Variants in RIT2 observed in about 807,000 individuals in gnomAD.
The protein encoded by RIT2 is GTP-binding protein Rit2.
In RIT2, 24 loss-of-function variants were observed where a neutral mutation model predicts 23.7. The observed-to-expected ratio is 1.01, with a 90% CI of 0.73 to 1.43. The LOEUF is 1.43. RIT2 is among the 40% of genes most tolerant of loss of function. The pLI is 0.00. For missense variants in RIT2, 236 were observed against 266.9 expected, an observed-to-expected ratio of 0.88 and a Z score of 0.81; for synonymous variants, 107 against 91.1, an observed-to-expected ratio of 1.17 and a Z score of -0.99.
At chr18:42,884,541 A>G (rs1370358188) in intron 4 of RIT2, among the ~76,000 whole-genome samples, 1 of 152,182 alleles carries the variant, frequency 6.6e-6, no homozygotes, top group Non-Finnish European at 1.5e-5. Context: ...ATGCCAGATA[A>G]TTCAATCACC....
intron 3 of RIT2, among the ~76,000 whole-genome samples, chr18:42,962,075 G>A (rs1383481093): frequency 6.6e-6 from 1 of 152,084 alleles, no homozygotes; most frequent in Admixed American, 6.5e-5. Context: ...AAATGTTTAG[G>A]GGTGAAAGCA....
intron 1 of RIT2, among the ~76,000 whole-genome samples, chr18:43,066,248 C>T (rs530059433): frequency 1.1e-3 from 170 of 152,188 alleles, no homozygotes; most frequent in Middle Eastern, 0.01. Context: ...TTACAAAGTG[C>T]CCATCCAGAA....
chr18:43,006,491 C>A (rs934296066), intron 2 of RIT2, among the ~76,000 whole-genome samples: 1 of 151,308 alleles, frequency 6.6e-6, no homozygotes, highest in East Asian at 2.0e-4. Context: ...TATTAAATAA[C>A]ATAAATCAGA....
intron 1 of RIT2, among the ~76,000 whole-genome samples, chr18:43,083,267 A>G (rs188057266): frequency 7.2e-5 from 11 of 152,286 alleles, no homozygotes; most frequent in Admixed American, 4.6e-4. Flanking sequence ...ATGCTCATGG[A>G]TAGGAAGAAT....
At chr18:42,912,191 A>G (rs1396877907) in intron 4 of RIT2, among the ~76,000 whole-genome samples, 1 of 151,758 alleles carries the variant, frequency 6.6e-6, no homozygotes, top group Non-Finnish European at 1.5e-5. Flanking sequence ...AACTTATTAT[A>G]TCATTTACTA....
intron 4 of RIT2, among the ~76,000 whole-genome samples, chr18:42,886,828 C>T (rs1248607112): frequency 6.6e-6 from 1 of 152,098 alleles, no homozygotes; most frequent in Non-Finnish European, 1.5e-5. Flanking sequence ...TGCCTAGCTG[C>T]CTCCTAAATT....
intron 4 of RIT2, among the ~76,000 whole-genome samples, chr18:42,879,560 G>T (rs180864540): frequency 3.3e-5 from 5 of 151,956 alleles, no homozygotes; most frequent in East Asian, 3.9e-4. Flanking sequence ...TTCTCTTTCT[G>T]CAAGTTGATA....
intron 4 of RIT2, among the ~76,000 whole-genome samples, chr18:42,769,588 C>T (rs1000716664): frequency 3.3e-5 from 5 of 151,870 alleles, no homozygotes; most frequent in African/African-American, 1.2e-4. Context: ...TTAAAATAGA[C>T]TGAAAGCAAA....
At chr18:42,945,502 G>A (rs1909707656) in intron 3 of RIT2, among the ~76,000 whole-genome samples, 1 of 152,184 alleles carries the variant, frequency 6.6e-6, no homozygotes, top group Non-Finnish European at 1.5e-5. Flanking sequence ...ATGCGTCCAA[G>A]AATGTGTGCG....
chr18:43,002,389 T>C (rs1911126194), intron 2 of RIT2, among the ~76,000 whole-genome samples: 1 of 151,918 alleles, frequency 6.6e-6, no homozygotes, highest in Admixed American at 6.6e-5. Flanking sequence ...GTTAATCTCC[T>C]TTGGCAACAC....
At chr18:42,794,106 T>C (rs1045111813) in intron 4 of RIT2, among the ~76,000 whole-genome samples, 1 of 152,216 alleles carries the variant, frequency 6.6e-6, no homozygotes, top group African/African-American at 2.4e-5. Context: ...GCATACATTC[T>C]ATTTTCCTCC....
At chr18:42,924,577 T>C (rs1909135659) in intron 3 of RIT2, among the ~76,000 whole-genome samples, 1 of 152,110 alleles carries the variant, frequency 6.6e-6, no homozygotes, top group South Asian at 2.1e-4. Flanking sequence ...TGACAATGGC[T>C]AATTAGATAG....
intron 2 of RIT2, among the ~76,000 whole-genome samples, chr18:43,025,237 C>CAA (rs58609867): frequency 2.9e-5 from 4 of 136,620 alleles, no homozygotes; most frequent in Admixed American, 7.4e-5. Context: ...AAAAAAAAAA[C>CAA]AAAAAAAAAA....
intron 4 of RIT2, among the ~76,000 whole-genome samples, chr18:42,888,481 A>G (rs1908085368): frequency 6.6e-6 from 1 of 152,014 alleles, no homozygotes; most frequent in Non-Finnish European, 1.5e-5. Context: ...GCAACACTGT[A>G]TAAGCATTCC....
intron 2 of RIT2, among the ~76,000 whole-genome samples, chr18:43,027,522 T>A (rs1453664420): frequency 6.6e-6 from 1 of 152,024 alleles, no homozygotes; most frequent in African/African-American, 2.4e-5. Context: ...AGGCTAAGTA[T>A]GGACTCAGAG....
intron 1 of RIT2, among the ~76,000 whole-genome samples, chr18:43,077,128 C>T (rs966913427): frequency 5.3e-5 from 7 of 132,090 alleles, no homozygotes; most frequent in Non-Finnish European, 8.0e-5. Context: ...AAAAAAGGCT[C>T]AAACACAAGC....
chr18:42,773,111 C>T (rs1330620385), intron 4 of RIT2, among the ~76,000 whole-genome samples: 1 of 151,838 alleles, frequency 6.6e-6, no homozygotes, highest in African/African-American at 2.4e-5. Flanking sequence ...TAACCCCCTT[C>T]TGTGCAAGGC....
chr18:42,803,406 GA>G (rs2143965115), intron 4 of RIT2, among the ~76,000 whole-genome samples: 1 of 152,256 alleles, frequency 6.6e-6, no homozygotes, highest in African/African-American at 2.4e-5. Flanking sequence ...GGTTTGATTT[GA>G]TATTGTTTGT....
intron 4 of RIT2, among the ~76,000 whole-genome samples, chr18:42,852,610 G>T (rs16977059): frequency 6.6e-6 from 1 of 152,222 alleles, no homozygotes; most frequent in African/African-American, 2.4e-5. Context: ...ATTTCCAGAT[G>T]TTCTCCTTTG....
Sources: gnomAD v4.1 joint callset for allele counts (sites outside exome capture counted in the v4.1 genomes callset) on GRCh38, gnomAD v4.1.1 for gene constraint, MANE v1.5 for transcripts, NCBI Gene and HGNC (gene_info 2026-07-23, HGNC 2026-07-21) for gene names.